The following ASTL variants were observed in gnomAD, a reference collection of about 807,000 sequenced individuals.
The protein encoded by ASTL is astacin like metalloendopeptidase, also known as astacin-like metalloendopeptidase.
Under a neutral mutation model 36.7 loss-of-function variants are expected in ASTL, and 27 were observed. That is an observed-to-expected ratio of 0.73 (90% CI 0.54 to 1.01). The LOEUF is 1.01. ASTL is among the 50% of genes least tolerant of loss of function. The probability of loss-of-function intolerance (pLI) is 0.00; values close to 1 mark genes in which losing one functional copy is unlikely to be tolerated. For synonymous variants in ASTL, 222 were observed against 228.1 expected (o/e 0.97, Z 0.24); for missense variants, 524 against 572.8 (o/e 0.91, Z 0.87).
At chr2:96,127,435 G>A (rs1682086555) in intron 8 of ASTL, among the ~76,000 whole-genome samples, 2 of 152,168 alleles carry the variant, frequency 1.3e-5, no homozygotes, top group Admixed American at 6.5e-5. Flanking sequence ...GTATTATTGG[G>A]CTTTAAAGTG....
chr2:96,135,356 GGAT>G lies in ASTL; in HGVS notation c.235_237del (p.Ile79del), dbSNP rs1682273150. The G allele has an allele frequency of 1.2e-6, 2 of 1,614,076 alleles. No homozygotes were observed. The highest frequency in any genetic ancestry group is 1.7e-6 in the Non-Finnish European group (2 of 1,179,912). On this transcript the variant is annotated inframe_deletion, in exon 3 of 9. Transcript: ENST00000342380. The stretch of plus-strand genomic sequence containing the variant: ...ACGTCAGTGTGTGCACTCACCGGCC[GGAT>G]GATGTCCCCCTCGATGAGGAAGCTG...
intron 3 of ASTL, among the ~76,000 whole-genome samples, chr2:96,134,723 C>T (rs1015042729): frequency 1.3e-5 from 2 of 152,240 alleles, no homozygotes; most frequent in African/African-American, 4.8e-5. Context: ...CAGCCAGAGG[C>T]TGTGCCGTCA....
chr2:96,135,567 G>C (rs1056293092), intron 2 of ASTL, among the ~76,000 whole-genome samples, 155 bp from the exon 3 acceptor site: 7 of 152,284 alleles, frequency 4.6e-5, no homozygotes, highest in African/African-American at 1.7e-4. Context: ...TAAAAGTATA[G>C]GTCATCGGCT....
chr2:96,137,230 G>A lies in ASTL; in HGVS notation c.181+345C>T, dbSNP rs1402454590. Among the ~76,000 whole-genome samples, 11 of 152,316 alleles carry A rather than the reference G, an allele frequency of 7.2e-5. No individual in the cohort carries two copies. In the East Asian group the frequency reaches 1.3e-3, roughly 19 times the overall value. ...ACTGCGACTAACCGCTTAGCTCCAC[G>A]CCCAGGCCCTTTAAGAGCTTGGTTT... On this transcript the variant is annotated intron_variant, in intron 2 of 8. Transcript: ENST00000342380.
In ASTL at chr2:96,124,052, G is replaced by A. The variant is rs1190246177; in HGVS notation, c.1094C>T (p.Thr365Ile). 2 of 1,613,758 alleles carry A rather than the reference G, an allele frequency of 1.2e-6. No homozygotes were observed. Among genetic ancestry groups the A allele is most frequent in the Admixed American group, 3.3e-5 (2 of 60,002 alleles). The change falls in exon 9 of 9, where the codon ACC becomes ATC. Residue 365 changes from threonine to isoleucine, a missense_variant. Coordinates refer to ENST00000342380, the MANE Select transcript of ASTL (RefSeq NM_001002036.4). This position sits in a 1 kb window ranked among gnomAD's most constrained non-coding sequence, Gnocchi z 4.1. ...CCTTGATCTTGGGGAGGAAGCTAGG[G>A]TCTGAGGCTGCCTTGCCGAGGCCTC... Reference protein sequence around the residue: ...SAEASARQPQTLASSPRSRPG... With the variant: ...SAEASARQPQILASSPRSRPG...
Position 96,135,363 on chromosome 2 carries a change from GT to G in ASTL, c.230del (p.Asp77AlafsTer151). On this transcript the variant is annotated frameshift_variant, in exon 3 of 9. Transcript: ENST00000342380. LOFTEE classifies it high-confidence loss of function. ...TGTGTGCACTCACCGGCCGGATGAT[GT>G]CCCCCTCGATGAGGAAGCTGCTCTC... is the stretch of plus-strand genomic sequence containing the variant. ...TPESSFLIEG[D>X]IIRPSPFRLL... The G allele has an allele frequency of 6.2e-7, 1 of 1,614,106 alleles. No individual in the cohort carries two copies. The highest frequency in any genetic ancestry group is 8.5e-7 in the Non-Finnish European group (1 of 1,179,950).
In ASTL at chr2:96,124,310, T is replaced by C; in HGVS notation, c.875-39A>G. 6.8e-7 allele frequency: 1 copy of C among 1,473,572 alleles called. No homozygotes were observed. Among genetic ancestry groups the C allele is most frequent in the South Asian group, 1.5e-5 (1 of 67,626 alleles). 91.3% of individuals were successfully genotyped at this position (1,473,572 alleles called of 1,614,324 possible). ...GACAGGAGGTGGAACCTCAGAACTG[T>C]AGGATGACATGTGGCCCAGCTGTGC... On this transcript the variant is annotated intron_variant, in intron 8 of 8. Coordinates refer to ENST00000342380, the MANE Select transcript of ASTL (RefSeq NM_001002036.4). The surrounding 1 kb of genome is among the most constrained non-coding windows in gnomAD (Gnocchi z 4.1).
intron 3 of ASTL, 121 bp downstream of exon 3, chr2:96,135,230 C>T (rs1682269111): frequency 2.8e-6 from 2 of 702,694 alleles, no homozygotes; most frequent in Non-Finnish European, 4.9e-6. Context: ...CAAAAAGAGG[C>T]ATCTACCAAG....
In ASTL at chr2:96,123,819, C is replaced by T. The variant is rs1027254403; in HGVS notation, c.*31G>A. On this transcript the variant is annotated 3_prime_UTR_variant, in exon 9 of 9. Transcript: ENST00000342380. ...ACCCAGCTCCACTGGGCAGAGGATG[C>T]CCTCCCTACTTGGGGACAGAAGCCA... 4 of 1,585,704 alleles carry T rather than the reference C, an allele frequency of 2.5e-6. No homozygotes were observed. In the Admixed American group the frequency reaches 5.1e-5, roughly 20 times the overall value.
chr2:96,125,201 C>T (rs1682041779), intron 8 of ASTL, among the ~76,000 whole-genome samples: 1 of 152,184 alleles, frequency 6.6e-6, no homozygotes, highest in Non-Finnish European at 1.5e-5. Flanking sequence ...ACCACCTTTC[C>T]CTGCTGTCAC....
chr2:96,133,672 G>T, intron 4 of ASTL, 130 bp from the exon 5 acceptor site: 1 of 714,088 alleles, frequency 1.4e-6, no homozygotes, highest in Non-Finnish European at 2.4e-6. Flanking sequence ...AGTGGTGCCA[G>T]GAAGAAGCTG....
Position 96,137,439 on chromosome 2 carries a change from C to T in ASTL, c.181+136G>A, listed in dbSNP as rs112870827. ...GGGCAATATAGCAACACCACTCCAT[C>T]TCTTAAAAACCACTTAGAGCCCAGA... On this transcript the variant is annotated intron_variant, in intron 2 of 8. Coordinates refer to ENST00000342380, the MANE Select transcript of ASTL (RefSeq NM_001002036.4). The T allele has an allele frequency of 2.6e-4, 268 of 1,031,428 alleles. 3 individuals are homozygous for T. In the African/African-American group the frequency reaches 3.4e-3, roughly 13 times the overall value. 63.9% of individuals were successfully genotyped at this position (1,031,428 alleles called of 1,614,324 possible).
At position 96,130,188 on chromosome 2, in the gene ASTL, G is replaced by A. The variant is rs373044804; in HGVS notation, c.638-43C>T. ...ATACAACTTACTGATATATAAAGAG[G>A]GCAGGCAAGAAAGGGCAGGCAATGG... On this transcript the variant is annotated intron_variant, in intron 6 of 8. Transcript: ENST00000342380. The A allele has an allele frequency of 6.2e-5, 94 of 1,524,954 alleles. No individual in the cohort carries two copies. In the African/African-American group the frequency reaches 1.0e-3, roughly 17 times the overall value. 94.5% of individuals were successfully genotyped at this position (1,524,954 alleles called of 1,614,324 possible). A position where few individuals can be genotyped will look rare whatever the true frequency, so the allele number is the denominator to read the frequency against.
chr2:96,133,737 C>A, intron 4 of ASTL, 195 bp from the exon 5 acceptor site: 1 of 635,384 alleles, frequency 1.6e-6, no homozygotes, highest in Non-Finnish European at 2.8e-6. Context: ...TCCTCTGCAC[C>A]GCATGGTCTC....
chr2:96,135,074 G>C (rs1279697542), intron 3 of ASTL, among the ~76,000 whole-genome samples: 1 of 152,222 alleles, frequency 6.6e-6, no homozygotes, highest in East Asian at 1.9e-4. Flanking sequence ...CCCCTGGGCA[G>C]GGTACCAAGC....
chr2:96,137,477 A>C, intron 2 of ASTL, 98 bp downstream of exon 2: 1 of 1,424,664 alleles, frequency 7.0e-7, no homozygotes, highest in Non-Finnish European at 9.7e-7. Flanking sequence ...AAGCTGGTCC[A>C]TTTCCTCCCA....
At position 96,138,364 on chromosome 2, in the gene ASTL, G is replaced by A. The variant is rs762576142; in HGVS notation, c.55+18C>T. ...CCAGGCTGGAGCCAGCAGCAGGAGGGACAGGCAGCCAGCTTACCTGGCAAG... is the reference window on the plus strand; with the variant it reads ...CCAGGCTGGAGCCAGCAGCAGGAGGAACAGGCAGCCAGCTTACCTGGCAAG... On this transcript the variant is annotated intron_variant, in intron 1 of 8. Coordinates refer to ENST00000342380, the MANE Select transcript of ASTL (RefSeq NM_001002036.4). 1 of 1,601,592 alleles carries A rather than the reference G, an allele frequency of 6.2e-7. No homozygotes were observed. Among genetic ancestry groups the A allele is most frequent in the Non-Finnish European group, 8.5e-7 (1 of 1,173,156 alleles).
At position 96,137,554 on chromosome 2, in the gene ASTL, GAGA is replaced by G. The variant is rs2104779413; in HGVS notation, c.181+18_181+20del. 1 of 1,609,736 alleles carries G rather than the reference GAGA, an allele frequency of 6.2e-7. No individual in the cohort carries two copies. The highest frequency in any genetic ancestry group is 1.1e-5 in the South Asian group (1 of 90,992). ...ATAACGTCGTGCCCCTCCAGGCCGT[GAGA>G]AGATGTAGTGCCCTCACCTTGGTTA... On this transcript the variant is annotated intron_variant, in intron 2 of 8. Transcript: ENST00000342380.
Position 96,124,224 on chromosome 2 carries a change from A to G in ASTL, c.922T>C (p.Ser308Pro). ...TGRSPAPASL[S>P]LQRLLEALSA... is the part of the protein sequence containing the mutation. ...AGTGCCTCCAAAAGCCGCTGCAGAGATAGGGAGGCCGGAGCGGGGCTCCTA... is the reference window on the plus strand; with the variant it reads ...AGTGCCTCCAAAAGCCGCTGCAGAGGTAGGGAGGCCGGAGCGGGGCTCCTA... The change falls in exon 9 of 9, where the codon TCT becomes CCT. Residue 308 changes from serine (S) to proline (P), a missense_variant. Physicochemically the swap from Ser to Pro is moderately conservative, Grantham distance 74. Coordinates refer to ENST00000342380, the MANE Select transcript of ASTL (RefSeq NM_001002036.4). This position sits in a 1 kb window ranked among gnomAD's most constrained non-coding sequence, Gnocchi z 4.1. 6.6e-7 allele frequency: 1 copy of G among 1,517,980 alleles called. No individual in the cohort carries two copies. The highest frequency in any genetic ancestry group is 8.8e-7 in the Non-Finnish European group (1 of 1,134,974). The allele number at this position is 1,517,980 out of a possible 1,614,324, so 94.0% of individuals were successfully genotyped here. A position where few individuals can be genotyped will look rare whatever the true frequency, so the allele number is the denominator to read the frequency against.
Sources: allele counts gnomAD v4.1 joint callset (sites outside exome capture counted in the v4.1 genomes callset), GRCh38; gene constraint gnomAD v4.1.1; non-coding constraint Gnocchi (gnomAD v3.1); transcripts MANE v1.5; gene names NCBI Gene and HGNC (gene_info 2026-07-23, HGNC 2026-07-21).